TTC7B: variants seen among roughly 807,000 people sequenced by gnomAD.
TTC7B encodes tetratricopeptide repeat domain 7B.
Under a neutral mutation model 106.8 loss-of-function variants are expected in TTC7B, and 28 were observed. That is an observed-to-expected ratio of 0.26 (90% confidence interval 0.19 to 0.36). The LOEUF is 0.36. TTC7B is among the 10% of genes least tolerant of loss of function. TTC7B has a pLI of 1.00. For synonymous variants in TTC7B, 405 were observed against 430.6 expected (o/e 0.94, Z 0.74); for missense variants, 862 against 1,076.4 (o/e 0.80, Z 2.79).
intron 1 of TTC7B, among the ~76,000 whole-genome samples, chr14:90,795,565 C>T (rs1891748515): frequency 6.6e-6 from 1 of 152,198 alleles, no homozygotes; most frequent in Non-Finnish European, 1.5e-5. Context: ...AATCCCACCT[C>T]CCTTGCTCGC....
chr14:90,736,835 C>T (rs958340662), intron 4 of TTC7B, among the ~76,000 whole-genome samples: 13 of 138,238 alleles, frequency 9.4e-5, no homozygotes, highest in East Asian at 2.2e-4. Flanking sequence ...GAGGGTGCAA[C>T]GAGCTATGAT....
intron 18 of TTC7B, among the ~76,000 whole-genome samples, chr14:90,588,867 G>A: frequency 7.4e-6 from 1 of 135,316 alleles, no homozygotes. Flanking sequence ...TTAAAAAACG[G>A]CAAAAGACAA....
At chr14:90,641,289 C>T (rs1885159844) in intron 15 of TTC7B, among the ~76,000 whole-genome samples, 1 of 152,222 alleles carries the variant, frequency 6.6e-6, no homozygotes, top group Non-Finnish European at 1.5e-5. Flanking sequence ...CAGCTGTCTC[C>T]TCTACTAACT....
At chr14:90,766,519 T>G in intron 3 of TTC7B, 2 of 741,394 alleles carry the variant, frequency 2.7e-6, no homozygotes, top group Non-Finnish European at 2.5e-6. Flanking sequence ...TGCCACCTCT[T>G]GTACTGCCGC....
chr14:90,604,109 C>T (rs916664427), intron 17 of TTC7B, among the ~76,000 whole-genome samples: 2 of 152,170 alleles, frequency 1.3e-5, no homozygotes, highest in Admixed American at 6.5e-5. Context: ...GATCACAGGG[C>T]TCACAAGATG....
intron 4 of TTC7B, among the ~76,000 whole-genome samples, chr14:90,734,342 C>T (rs939425328): frequency 1.3e-5 from 2 of 151,774 alleles, no homozygotes; most frequent in African/African-American, 4.8e-5. Context: ...ATTGCTTGAA[C>T]CTGGGAGGCG....
intron 5 of TTC7B, among the ~76,000 whole-genome samples, chr14:90,707,432 T>A (rs1888254968): frequency 6.6e-6 from 1 of 152,178 alleles, no homozygotes; most frequent in African/African-American, 2.4e-5. Context: ...GAATTGCACA[T>A]CTCTTACTTT....
intron 4 of TTC7B, among the ~76,000 whole-genome samples, chr14:90,735,657 G>A (rs1299684129): frequency 2.0e-5 from 3 of 151,962 alleles, no homozygotes; most frequent in South Asian, 2.1e-4. Flanking sequence ...TCAGGAGTTC[G>A]AGACCAGCCT....
rs984460657 is a variant in TTC7B at position 90,580,593 on chromosome 14, G to A, written c.2108-2285C>T. Among the ~76,000 whole-genome samples the A allele has an allele frequency of 1.1e-4, 16 of 152,178 alleles. No homozygotes were observed. In the East Asian group the frequency reaches 2.7e-3, roughly 26 times the overall value. The stretch of plus-strand genomic sequence containing the variant: ...CTTCCTACCGCCTCCCGGAACCCCC[G>A]GGCTCTGGCCTTGCTAGTGCTGCTT... On this transcript the variant is annotated intron_variant, in intron 18 of 19. Coordinates refer to ENST00000328459, the MANE Select transcript of TTC7B (RefSeq NM_001010854.2).
chr14:90,681,745 G>T (rs1887056762), intron 7 of TTC7B, among the ~76,000 whole-genome samples: 2 of 152,214 alleles, frequency 1.3e-5, no homozygotes, highest in African/African-American at 4.8e-5. Context: ...GCAGTGACTT[G>T]CTTCAGAAGT....
At chr14:90,607,549 C>T (rs1041121201) in intron 17 of TTC7B, among the ~76,000 whole-genome samples, 1 of 152,214 alleles carries the variant, frequency 6.6e-6, no homozygotes, top group African/African-American at 2.4e-5. Context: ...TTTCTCTTTG[C>T]CTCTATAGCC....
intron 4 of TTC7B, among the ~76,000 whole-genome samples, chr14:90,738,192 A>C (rs1220037505): frequency 6.6e-6 from 1 of 152,210 alleles, no homozygotes; most frequent in African/African-American, 2.4e-5. Flanking sequence ...AATCCAAAAA[A>C]TGTGAACTAA....
chr14:90,680,144 T>C (rs1886995578), intron 8 of TTC7B, among the ~76,000 whole-genome samples: 1 of 152,246 alleles, frequency 6.6e-6, no homozygotes, highest in South Asian at 2.1e-4. Flanking sequence ...GTTCCTCCAG[T>C]GGTCATTTTA....
chr14:90,600,951 G>A lies in TTC7B; in HGVS notation c.1967-7325C>T, dbSNP rs1020595020. Reference sequence around the variant, plus strand: ...GCCTTCTGCCTGGGGAAGGCTCTCTGAGCCTCCAAGTGCCTGACTGCCGGC... The same window carrying A: ...GCCTTCTGCCTGGGGAAGGCTCTCTAAGCCTCCAAGTGCCTGACTGCCGGC... On this transcript the variant is annotated intron_variant, in intron 17 of 19. Transcript: ENST00000328459. This position sits in a 1 kb window ranked among gnomAD's most constrained non-coding sequence, Gnocchi z 4.3. Among the ~76,000 whole-genome samples, 4 of 152,144 alleles carry A rather than the reference G, an allele frequency of 2.6e-5. No individual in the cohort carries two copies. Among genetic ancestry groups the A allele is most frequent in the African/African-American group, 9.7e-5 (4 of 41,428 alleles).
chr14:90,745,313 A>AGAAGAAG (rs57917232), intron 3 of TTC7B, among the ~76,000 whole-genome samples: 8,990 of 135,126 alleles, frequency 0.067, 719 homozygotes, highest in African/African-American at 0.19. Context: ...AAAAAAAAAA[A>AGAAGAAG]AAGAAGAAGA....
intron 5 of TTC7B, among the ~76,000 whole-genome samples, chr14:90,725,713 G>A (rs563004850): frequency 6.6e-6 from 1 of 152,152 alleles, no homozygotes; most frequent in Admixed American, 6.5e-5. Context: ...CTAGAAAATG[G>A]TACAACCCCA....
At chr14:90,769,963 A>G (rs1890808730) in intron 3 of TTC7B, among the ~76,000 whole-genome samples, 1 of 152,098 alleles carries the variant, frequency 6.6e-6, no homozygotes, top group South Asian at 2.1e-4. Flanking sequence ...ATCCTGGGCA[A>G]CATAGTGAGA....
chr14:90,801,582 G>A (rs571238314), intron 1 of TTC7B, among the ~76,000 whole-genome samples: 2 of 152,250 alleles, frequency 1.3e-5, no homozygotes, highest in Admixed American at 1.3e-4. Context: ...AAAACCAAGA[G>A]CTCTGTTTGG....
chr14:90,717,315 G>A (rs2139974150), intron 5 of TTC7B, among the ~76,000 whole-genome samples: 1 of 151,510 alleles, frequency 6.6e-6, no homozygotes, highest in African/African-American at 2.4e-5. Context: ...CCCCAGCCTG[G>A]GCAACAGAGA....
Sources: allele counts gnomAD v4.1 joint callset (sites outside exome capture counted in the v4.1 genomes callset), GRCh38; gene constraint gnomAD v4.1.1; non-coding constraint Gnocchi (gnomAD v3.1); transcripts MANE v1.5; gene names NCBI Gene and HGNC (gene_info 2026-07-23, HGNC 2026-07-21).